The following MALRD1 variants were observed in gnomAD, a reference collection of about 807,000 sequenced individuals.
MALRD1 encodes the protein MAM and LDL-receptor class A domain-containing protein 1.
In MALRD1, 247 loss-of-function variants were observed where a neutral mutation model predicts 242.1. That is an observed-to-expected ratio of 1.02 (90% CI 0.92 to 1.13). The LOEUF (loss-of-function observed/expected upper bound fraction) is 1.13, where lower values mean the gene tolerates loss of function less well. Ranked by LOEUF, MALRD1 falls within the 50% of genes most tolerant of loss-of-function variation. MALRD1 has a pLI of 0.00. For synonymous variants in MALRD1, 995 were observed against 866.6 expected (o/e 1.15, Z -2.60); for missense variants, 2,989 against 2,533.1 (o/e 1.18, Z -3.86).
intron 21 of MALRD1, among the ~76,000 whole-genome samples, chr10:19,315,737 A>G (rs966585061): frequency 1.4e-5 from 2 of 139,064 alleles, no homozygotes; most frequent in Admixed American, 1.5e-4. Context: ...ATAATGTTAT[A>G]TAATATATAT....
At chr10:19,047,823 T>C (rs1264516299), upstream of MALRD1, among the ~76,000 whole-genome samples, 2 of 152,190 alleles carry the variant, frequency 1.3e-5, no homozygotes, top group Non-Finnish European at 2.9e-5. Context: ...AAAAAAATGC[T>C]CAGATGCCTT....
chr10:19,272,797 C>A (rs76312559), intron 19 of MALRD1, among the ~76,000 whole-genome samples: 3 of 152,228 alleles, frequency 2.0e-5, no homozygotes, highest in Non-Finnish European at 4.4e-5. Context: ...TTTTCCGTTC[C>A]TGTGTTAGTT....
intron 2 of MALRD1, among the ~76,000 whole-genome samples, chr10:19,080,439 A>G (rs926607475): frequency 2.6e-5 from 4 of 152,076 alleles, no homozygotes; most frequent in African/African-American, 7.2e-5. Flanking sequence ...AATGGAACAT[A>G]ATAGAGAACT....
intron 4 of MALRD1, among the ~76,000 whole-genome samples, chr10:19,088,470 C>A (rs1479852800): frequency 6.7e-6 from 1 of 150,182 alleles, no homozygotes; most frequent in East Asian, 2.0e-4. Context: ...TAATTTTCTC[C>A]TAATTTCTTG....
intron 31 of MALRD1, among the ~76,000 whole-genome samples, chr10:19,517,918 C>T (rs1187569567): frequency 6.6e-6 from 1 of 152,134 alleles, no homozygotes; most frequent in African/African-American, 2.4e-5. Context: ...TTAATTCAGA[C>T]AAATTAAATT....
At chr10:19,614,441 A>G (rs1259102503) in intron 35 of MALRD1, among the ~76,000 whole-genome samples, 1 of 152,018 alleles carries the variant, frequency 6.6e-6, no homozygotes, top group East Asian at 1.9e-4. Context: ...TAACCCAACA[A>G]GGGAGCAGTG....
chr10:19,564,464 A>G (rs1178891814), intron 32 of MALRD1, among the ~76,000 whole-genome samples: 1 of 152,054 alleles, frequency 6.6e-6, no homozygotes, highest in African/African-American at 2.4e-5. Flanking sequence ...ACTCTACTAT[A>G]ATTTAATATT....
At chr10:19,652,462 A>G (rs905431542) in intron 36 of MALRD1, among the ~76,000 whole-genome samples, 4 of 152,194 alleles carry the variant, frequency 2.6e-5, no homozygotes, top group African/African-American at 9.6e-5. Flanking sequence ...AGATCATGAA[A>G]GTTTGCGTAT....
intron 38 of MALRD1, among the ~76,000 whole-genome samples, chr10:19,718,443 G>C (rs1171301146): frequency 1.3e-5 from 2 of 152,162 alleles, no homozygotes; most frequent in Non-Finnish European, 2.9e-5. Flanking sequence ...GAGACCGGAA[G>C]GAGGTCCCAC....
In MALRD1 at chr10:19,612,196, A is replaced by T. The variant is rs563569382; in HGVS notation, c.6071-3661A>T. Reference sequence around the variant, plus strand: ...AGCTTATCTAACAAGGTTTATACCAATATGTGCTTTATCATCTTGGTGGCT... The same window carrying T: ...AGCTTATCTAACAAGGTTTATACCATTATGTGCTTTATCATCTTGGTGGCT... On this transcript the variant is annotated intron_variant, in intron 35 of 39. Coordinates refer to ENST00000454679, the MANE Select transcript of MALRD1 (RefSeq NM_001142308.3). Among the ~76,000 whole-genome samples, 60 of 152,084 alleles carry T rather than the reference A, an allele frequency of 3.9e-4. 1 individual carries two copies. Among genetic ancestry groups the T allele is most frequent in the African/African-American group, 1.4e-3 (59 of 41,536 alleles).
intron 24 of MALRD1, among the ~76,000 whole-genome samples, chr10:19,334,118 G>A (rs1184060453): frequency 1.6e-5 from 1 of 60,654 alleles, no homozygotes; most frequent in East Asian, 4.3e-4. Flanking sequence ...TCTGTTGGTA[G>A]GTTTTTTTTT....
rs113373248 is a variant in MALRD1 at position 19,424,242 on chromosome 10, C to A, written c.4846-26065C>A. ...TGGCACAATCTCAGCTTACTGCAAC[C>A]TGCACCTTCCAGGTTCAAGCGATTC... On this transcript the variant is annotated intron_variant, in intron 28 of 39. Transcript: ENST00000454679. Among the ~76,000 whole-genome samples the A allele has an allele frequency of 4.5e-3, 680 of 152,284 alleles. 2 individuals carry two copies. The highest frequency in any genetic ancestry group is 0.016 in the African/African-American group (645 of 41,548).
At chr10:19,143,099 CA>C (rs1833607057) in intron 10 of MALRD1, among the ~76,000 whole-genome samples, 1 of 152,154 alleles carries the variant, frequency 6.6e-6, no homozygotes, top group African/African-American at 2.4e-5. Flanking sequence ...TTTCATTTTT[CA>C]AAGGATGGTG....
chr10:19,409,156 A>G (rs1474473682), intron 28 of MALRD1, among the ~76,000 whole-genome samples: 1 of 152,236 alleles, frequency 6.6e-6, no homozygotes, highest in Non-Finnish European at 1.5e-5. Context: ...AGCAATGAAA[A>G]AGAGCAAACT....
At chr10:19,637,007 T>G in intron 36 of MALRD1, among the ~76,000 whole-genome samples, 1 of 152,070 alleles carries the variant, frequency 6.6e-6, no homozygotes, top group Non-Finnish European at 1.5e-5. Context: ...TCTGGAAATT[T>G]TAAATTACCA....
At chr10:19,530,371 T>TTATATAAATATATAATATTTATATAAA (rs1834312775) in intron 31 of MALRD1, among the ~76,000 whole-genome samples, 4 of 94,658 alleles carry the variant, frequency 4.2e-5, no homozygotes, top group African/African-American at 3.0e-4. Flanking sequence ...ATATAAATAT[T>TTATATAAATATATAATATTTATATAAA]TATATAAATA....
chr10:19,415,408 CATA>C (rs1278804988), intron 28 of MALRD1, among the ~76,000 whole-genome samples: 1 of 152,054 alleles, frequency 6.6e-6, no homozygotes, highest in Non-Finnish European at 1.5e-5. Context: ...ACTTTAAAGA[CATA>C]ATCCCTCTAA....
chr10:19,195,069 C>T (rs985665323), intron 14 of MALRD1, among the ~76,000 whole-genome samples: 8 of 152,156 alleles, frequency 5.3e-5, no homozygotes, highest in Non-Finnish European at 8.8e-5. Flanking sequence ...TCCTTTTGTC[C>T]AGTGTATTCA....
At chr10:19,422,917 G>A (rs1415454505) in intron 28 of MALRD1, among the ~76,000 whole-genome samples, 1 of 152,042 alleles carries the variant, frequency 6.6e-6, no homozygotes, top group Non-Finnish European at 1.5e-5. Flanking sequence ...CTCACTTCAG[G>A]GCAATCCCAT....
Sources: allele counts gnomAD v4.1 joint callset (sites outside exome capture counted in the v4.1 genomes callset), GRCh38; gene constraint gnomAD v4.1.1; transcripts MANE v1.5; gene names NCBI Gene and HGNC (gene_info 2026-07-23, HGNC 2026-07-21).